Variants in ARHGEF7 observed in about 807,000 individuals in gnomAD.
ARHGEF7 encodes the protein Rho guanine nucleotide exchange factor 7, also known as PAK-interacting exchange factor beta.
In ARHGEF7, 33 loss-of-function variants were observed where a neutral mutation model predicts 109.8. The observed-to-expected ratio is 0.30, with a 90% confidence interval of 0.23 to 0.40. The LOEUF (loss-of-function observed/expected upper bound fraction) is 0.40, where lower values mean the gene tolerates loss of function less well. Among genes scored for constraint, ARHGEF7 ranks in the 10% least tolerant of loss-of-function variants. The pLI is 1.00. For synonymous variants in ARHGEF7, 458 were observed against 424.6 expected (o/e 1.08, Z -0.97); for missense variants, 938 against 1,098.5 (o/e 0.85, Z 2.07).
chr13:111,156,080 C>CA (rs56803261), intron 2 of ARHGEF7, among the ~76,000 whole-genome samples: 190 of 123,660 alleles, frequency 1.5e-3, no homozygotes, highest in African/African-American at 4.7e-3. Flanking sequence ...AAGACTCCCT[C>CA]AAAAAAAAAA....
chr13:111,142,783 C>T (rs2075407508), intron 1 of ARHGEF7, among the ~76,000 whole-genome samples: 1 of 152,230 alleles, frequency 6.6e-6, no homozygotes, highest in Non-Finnish European at 1.5e-5. Flanking sequence ...TCACCATCTC[C>T]TCTCCAAAAT....
intron 9 of ARHGEF7, among the ~76,000 whole-genome samples, chr13:111,271,598 GT>G (rs2092151786): frequency 6.6e-6 from 1 of 152,154 alleles, no homozygotes; most frequent in Admixed American, 6.5e-5. Flanking sequence ...AAGATGTTGA[GT>G]TGTCTGTTGC....
rs1354026245 is a variant in ARHGEF7, at chr13:111,233,214, T to C, written c.680T>C (p.Val227Ala). 2 of 1,613,764 alleles carry C rather than the reference T, an allele frequency of 1.2e-6. No homozygotes were observed. The highest frequency in any genetic ancestry group is 3.3e-5 in the Admixed American group (2 of 60,026). The change falls in exon 6 of 22, where the codon GTG becomes GCG. Residue 227 changes from valine (V) to alanine (A), a missense_variant. Coordinates refer to ENST00000646102, the MANE Select transcript of ARHGEF7 (RefSeq NM_001354046.2). Reference protein sequence around the residue: ...VREVKASEKPVSPKSGTLKSP... With the variant: ...VREVKASEKPASPKSGTLKSP... ...TACATTTTCATTTCAGAGAAGCCTG[T>C]GTCTCCCAAATCAGGAACACTGAAG...
chr13:111,301,723 T>C (rs2093572836), intron 21 of ARHGEF7, among the ~76,000 whole-genome samples, 191 bp downstream of exon 21: 1 of 152,080 alleles, frequency 6.6e-6, no homozygotes, highest in Non-Finnish European at 1.5e-5. Flanking sequence ...CAAAAACCCA[T>C]CTCTACTGAA....
intron 9 of ARHGEF7, among the ~76,000 whole-genome samples, chr13:111,268,584 C>T (rs1445266210): frequency 1.3e-5 from 2 of 152,180 alleles, no homozygotes; most frequent in African/African-American, 4.8e-5. Flanking sequence ...TTCAGAAGCA[C>T]ATTTGGGGCT....
chr13:111,179,369 C>T (rs2078512680), intron 2 of ARHGEF7, among the ~76,000 whole-genome samples: 1 of 152,180 alleles, frequency 6.6e-6, no homozygotes, highest in Non-Finnish European at 1.5e-5. Context: ...CAGGAATGAG[C>T]CACTGCACCC....
chr13:111,228,672 AG>A lies in ARHGEF7; in HGVS notation c.671-4530del. ...AACTCGGAGGACGTCACCTGACAGGAGGGTGCATGTGGTTCAGGAAAGCGGC... is the reference window on the plus strand; with the variant it reads ...AACTCGGAGGACGTCACCTGACAGGAGGTGCATGTGGTTCAGGAAAGCGGC... On this transcript the variant is annotated intron_variant, in intron 5 of 21. Transcript: ENST00000646102. The surrounding 1 kb of genome is among the most constrained non-coding windows in gnomAD (Gnocchi z 4.6). Among the ~76,000 whole-genome samples, 1 of 152,198 alleles carries A rather than the reference AG, an allele frequency of 6.6e-6. No homozygotes were observed. The highest frequency in any genetic ancestry group is 3.4e-3 in the Middle Eastern group (1 of 294).
chr13:111,118,832 A>G (rs763956285), intron 1 of ARHGEF7, among the ~76,000 whole-genome samples: 1 of 152,206 alleles, frequency 6.6e-6, no homozygotes, highest in African/African-American at 2.4e-5. Context: ...AACTCAAGGA[A>G]CTTGGTTCTT....
intron 2 of ARHGEF7, among the ~76,000 whole-genome samples, chr13:111,195,396 C>A (rs569945578): frequency 6.6e-6 from 1 of 152,312 alleles, no homozygotes; most frequent in Non-Finnish European, 1.5e-5. Context: ...GCAAAGTCTT[C>A]CAATTACAAC....
chr13:111,149,120 C>T (rs529765576), intron 1 of ARHGEF7, among the ~76,000 whole-genome samples: 1 of 151,790 alleles, frequency 6.6e-6, no homozygotes. Flanking sequence ...ATTAAAAAAA[C>T]CATTTCTGTC....
chr13:111,140,507 A>G (rs2075296214), intron 1 of ARHGEF7, among the ~76,000 whole-genome samples: 1 of 152,098 alleles, frequency 6.6e-6, no homozygotes, highest in Admixed American at 6.5e-5. Context: ...GGCAGAGGGA[A>G]CAGCTAGTGC....
At chr13:111,294,243 A>G in intron 19 of ARHGEF7, 1 of 985,448 alleles carries the variant, frequency 1.0e-6, no homozygotes, top group African/African-American at 1.7e-5. Context: ...GTTTTGTATT[A>G]CATACGGTAG....
chr13:111,244,756 G>T (rs61045532), intron 8 of ARHGEF7, among the ~76,000 whole-genome samples: 2,855 of 152,306 alleles, frequency 0.019, 98 homozygotes, highest in African/African-American at 0.066. Flanking sequence ...AAAAGTAATT[G>T]TGGTTTTGGA....
intron 4 of ARHGEF7, among the ~76,000 whole-genome samples, chr13:111,212,953 T>G (rs2082674273): frequency 6.6e-6 from 1 of 152,158 alleles, no homozygotes; most frequent in Non-Finnish European, 1.5e-5. Flanking sequence ...GAGAAGATAT[T>G]TACCCAAGAT....
At position 111,131,886 on chromosome 13, in the gene ARHGEF7, G is replaced by A. The variant is rs1566602851; in HGVS notation, c.165+16195G>A. Among the ~76,000 whole-genome samples the A allele has an allele frequency of 6.6e-6, 1 of 152,220 alleles. No individual in the cohort carries two copies. The highest frequency in any genetic ancestry group is 2.4e-5 in the African/African-American group (1 of 41,454). On this transcript the variant is annotated intron_variant, in intron 1 of 21. Transcript: ENST00000646102. The surrounding 1 kb of genome is among the most constrained non-coding windows in gnomAD (Gnocchi z 4.4). ...CAGGACTGAAGAGGGGGCTGGGAGG[G>A]AGCCTGGCAGTCGCAGAGGGGAGTG...
At chr13:111,221,466 C>CATATATAT (rs1417242166) in intron 5 of ARHGEF7, among the ~76,000 whole-genome samples, 1 of 43,864 alleles carries the variant, frequency 2.3e-5, no homozygotes, top group Non-Finnish European at 4.2e-5. Flanking sequence ...GATATATAGA[C>CATATATAT]ATCTATATAT....
chr13:111,151,257 A>C (rs2075873130), intron 1 of ARHGEF7, among the ~76,000 whole-genome samples: 1 of 152,224 alleles, frequency 6.6e-6, no homozygotes, highest in African/African-American at 2.4e-5. Flanking sequence ...TTCACGTATA[A>C]CACTTAGCAG....
chr13:111,210,812 C>T (rs914321719), intron 4 of ARHGEF7, among the ~76,000 whole-genome samples: 3 of 152,134 alleles, frequency 2.0e-5, no homozygotes, highest in Admixed American at 1.3e-4. Flanking sequence ...GATCTTGTAA[C>T]GTGAGTCTAG....
At chr13:111,286,522 G>C (rs1175733894) in intron 17 of ARHGEF7, among the ~76,000 whole-genome samples, 1 of 152,168 alleles carries the variant, frequency 6.6e-6, no homozygotes, top group Non-Finnish European at 1.5e-5. Context: ...GGGCTCTCCT[G>C]CTCTTCTGGT....
Sources: gnomAD v4.1 joint callset for allele counts (sites outside exome capture counted in the v4.1 genomes callset) on GRCh38, gnomAD v4.1.1 for gene constraint, Gnocchi (gnomAD v3.1) non-coding constraint, MANE v1.5 for transcripts, NCBI Gene and HGNC (gene_info 2026-07-23, HGNC 2026-07-21) for gene names.